Variants in DOCK4 observed in about 807,000 individuals in gnomAD.
DOCK4 encodes the protein dedicator of cytokinesis 4.
In DOCK4, 97 loss-of-function variants were observed where a neutral mutation model predicts 268.1. That is an observed-to-expected ratio of 0.36 (90% confidence interval 0.31 to 0.43). DOCK4 has a LOEUF of 0.43. DOCK4 is among the 20% of genes least tolerant of loss of function. The pLI is 1.00. For synonymous variants in DOCK4, 954 were observed against 887.2 expected (o/e 1.08, Z -1.34); for missense variants, 2,145 against 2,455.7 (o/e 0.87, Z 2.67).
Position 111,728,660 on chromosome 7 carries a change from T to TGGAGATGAGTCCTGGCGAGTG in DOCK4, c.5521_5541dup (p.His1841_Ser1847dup). 1 of 1,613,822 alleles carries TGGAGATGAGTCCTGGCGAGTG rather than the reference T, an allele frequency of 6.2e-7. No homozygotes were observed. On this transcript the variant is annotated inframe_insertion, in exon 53 of 53. Transcript: ENST00000428084. ...TAGCTGCCCGACAAGACAGGGGAGT[T>TGGAGATGAGTCCTGGCGAGTG]GGAGATGAGTCCTGGCGAGTGGTAC...
At chr7:111,913,450 C>T in intron 13 of DOCK4, among the ~76,000 whole-genome samples, 1 of 150,036 alleles carries the variant, frequency 6.7e-6, no homozygotes, top group East Asian at 2.0e-4. Flanking sequence ...CGCTCTGTCG[C>T]CCAGGCTGGA....
intron 25 of DOCK4, among the ~76,000 whole-genome samples, chr7:111,840,345 A>T (rs1426944647): frequency 6.6e-6 from 1 of 152,240 alleles, no homozygotes; most frequent in East Asian, 1.9e-4. Context: ...TGCCCAGAAG[A>T]ATCACATGCT....
chr7:112,187,227 C>T (rs1462142883), intron 1 of DOCK4, among the ~76,000 whole-genome samples: 2 of 152,070 alleles, frequency 1.3e-5, no homozygotes, highest in African/African-American at 4.8e-5. Flanking sequence ...AAATTATTAT[C>T]CTCATAGGAA....
intron 51 of DOCK4, 43 bp downstream of exon 51, chr7:111,735,011 G>C (rs1795370503): frequency 6.9e-7 from 1 of 1,453,092 alleles, no homozygotes; most frequent in South Asian, 1.2e-5. Flanking sequence ...GTCAATAAAA[G>C]TTATTTTATA....
chr7:112,118,390 G>T (rs559538955), intron 1 of DOCK4, among the ~76,000 whole-genome samples: 1 of 152,016 alleles, frequency 6.6e-6, no homozygotes, highest in Non-Finnish European at 1.5e-5. Flanking sequence ...AAAGAGACAG[G>T]CAAGATGATG....
At chr7:111,940,652 G>C (rs1268519128) in intron 10 of DOCK4, among the ~76,000 whole-genome samples, 1 of 152,176 alleles carries the variant, frequency 6.6e-6, no homozygotes, top group Non-Finnish European at 1.5e-5. Flanking sequence ...CCTGTGACTA[G>C]AGTAGTTTGA....
chr7:111,894,237 A>G (rs2134370582), intron 16 of DOCK4, among the ~76,000 whole-genome samples: 1 of 151,844 alleles, frequency 6.6e-6, no homozygotes, highest in East Asian at 1.9e-4. Flanking sequence ...AAAAAAGAAA[A>G]AAGAAAAAAA....
chr7:112,073,553 C>A (rs1451331952), intron 1 of DOCK4, among the ~76,000 whole-genome samples: 2 of 151,142 alleles, frequency 1.3e-5, no homozygotes, highest in Non-Finnish European at 2.9e-5. Flanking sequence ...TGTATGTATA[C>A]AAGGAAATAT....
At chr7:112,054,936 A>C (rs75977669) in intron 1 of DOCK4, among the ~76,000 whole-genome samples, 4,832 of 152,328 alleles carry the variant, frequency 0.032, 283 homozygotes, top group African/African-American at 0.11. Context: ...AAGTAAATAA[A>C]GGTAAGAAAG....
chr7:111,949,510 C>T (rs1034500077), intron 8 of DOCK4, among the ~76,000 whole-genome samples: 2 of 152,040 alleles, frequency 1.3e-5, no homozygotes, highest in Non-Finnish European at 2.9e-5. Flanking sequence ...ATCAATATGT[C>T]CTAAGCCAAT....
chr7:111,910,506 C>T (rs1388036207), intron 13 of DOCK4, among the ~76,000 whole-genome samples: 2 of 152,184 alleles, frequency 1.3e-5, no homozygotes, highest in African/African-American at 4.8e-5. Flanking sequence ...TAAAATAACT[C>T]ATCAGTAGTT....
At chr7:112,019,517 G>A (rs553531223) in intron 1 of DOCK4, among the ~76,000 whole-genome samples, 3 of 152,214 alleles carry the variant, frequency 2.0e-5, no homozygotes, top group African/African-American at 7.2e-5. Context: ...AAGTTAAAAA[G>A]CAATCTATAT....
intron 1 of DOCK4, among the ~76,000 whole-genome samples, chr7:112,149,599 G>A (rs891196548): frequency 6.6e-6 from 1 of 151,354 alleles, no homozygotes; most frequent in Non-Finnish European, 1.5e-5. Context: ...TATCAAAGAA[G>A]AGAAGATCAA....
At chr7:112,067,043 G>A (rs896065291) in intron 1 of DOCK4, among the ~76,000 whole-genome samples, 1 of 151,428 alleles carries the variant, frequency 6.6e-6, no homozygotes, top group African/African-American at 2.4e-5. Flanking sequence ...ACTGGGCATA[G>A]TGATAGGCAC....
intron 8 of DOCK4, among the ~76,000 whole-genome samples, chr7:111,956,990 T>C (rs1796498297): frequency 1.3e-5 from 2 of 152,210 alleles, no homozygotes; most frequent in Admixed American, 1.3e-4. Flanking sequence ...ATCTAAAGCA[T>C]CATTAAATAC....
intron 44 of DOCK4, among the ~76,000 whole-genome samples, 195 bp from the exon 45 acceptor site, chr7:111,742,327 C>A (rs553190153): frequency 2.6e-4 from 39 of 152,314 alleles, no homozygotes; most frequent in Non-Finnish European, 5.0e-4. Context: ...GGATAAAAGA[C>A]AAATGGGGAT....
intron 37 of DOCK4, 86 bp downstream of exon 37, chr7:111,769,443 G>A: frequency 2.7e-6 from 4 of 1,503,090 alleles, no homozygotes; most frequent in East Asian, 2.3e-5. Flanking sequence ...TTAAGGAGGT[G>A]GGCATTCATA....
intron 1 of DOCK4, among the ~76,000 whole-genome samples, chr7:112,104,953 T>C (rs2135830747): frequency 6.6e-6 from 1 of 152,100 alleles, no homozygotes. Context: ...CATTCAAGAG[T>C]AACTATTATG....
At chr7:112,110,551 T>A (rs453) in intron 1 of DOCK4, among the ~76,000 whole-genome samples, 73 of 152,188 alleles carry the variant, frequency 4.8e-4, no homozygotes, top group African/African-American at 1.7e-3. Context: ...GATCTTCAGG[T>A]CACATTCATC....
Sources: gnomAD v4.1 joint callset for allele counts (sites outside exome capture counted in the v4.1 genomes callset) on GRCh38, gnomAD v4.1.1 for gene constraint, MANE v1.5 for transcripts, NCBI Gene and HGNC (gene_info 2026-07-23, HGNC 2026-07-21) for gene names.